Variants in AGAP9 observed in about 807,000 individuals in gnomAD.
AGAP9 encodes ArfGAP with GTPase domain, ankyrin repeat and PH domain 9.
Under a neutral mutation model 55.6 loss-of-function variants are expected in AGAP9, and 23 were observed. The ratio of observed to expected loss-of-function variants is 0.41; its 90% CI spans 0.30 to 0.59. The LOEUF is 0.59. Among genes scored for constraint, AGAP9 ranks in the 20% least tolerant of loss-of-function variants. AGAP9 has a pLI of 0.25. For missense variants in AGAP9, 309 were observed against 808.1 expected, an observed-to-expected ratio of 0.38 and a Z score of 7.49; for synonymous variants, 120 against 305.0, an observed-to-expected ratio of 0.39 and a Z score of 6.32.
At position 47,513,035 on chromosome 10, in the gene AGAP9, C is replaced by CT. The variant is rs1375773544; in HGVS notation, c.397-2765dup. Among the ~76,000 whole-genome samples the CT allele has an allele frequency of 5.2e-4, 68 of 131,038 alleles. 4 individuals are homozygous for CT. Among genetic ancestry groups the CT allele is most frequent in the Non-Finnish European group, 8.0e-4 (51 of 63,786 alleles). The allele number at this position is 131,038 out of a possible 152,430, so 86.0% of individuals were successfully genotyped here. On this transcript the variant is annotated intron_variant, in intron 4 of 7. Transcript: ENST00000452145. ...AACCCATTTGATCATGGTGGATTATCTTTTTTTTATTTTTTGAGATGGAGT... is the reference window on the plus strand; with the variant it reads ...AACCCATTTGATCATGGTGGATTATCTTTTTTTTTATTTTTTGAGATGGAGT...
At chr10:47,506,962 T>C (rs1400264441) in intron 6 of AGAP9, among the ~76,000 whole-genome samples, 2 of 131,938 alleles carry the variant, frequency 1.5e-5, no homozygotes, top group South Asian at 2.6e-4. Context: ...TTGAAGCAAA[T>C]TGCAAAGAAA....
intron 6 of AGAP9, among the ~76,000 whole-genome samples, chr10:47,506,583 G>A (rs1483606381): frequency 3.5e-5 from 5 of 142,438 alleles, no homozygotes; most frequent in Non-Finnish European, 6.1e-5. Flanking sequence ...ACCCACCTTG[G>A]CCTCCCAAAA....
chr10:47,507,633 C>T (rs1840511444), intron 5 of AGAP9, 50 bp from the exon 6 acceptor site: 1 of 1,527,706 alleles, frequency 6.5e-7, no homozygotes, highest in South Asian at 1.1e-5. Flanking sequence ...ATTTGTTAGG[C>T]CTGCAGACAT....
intron 5 of AGAP9, among the ~76,000 whole-genome samples, chr10:47,508,071 T>G (rs1447191246): frequency 2.5e-4 from 34 of 133,762 alleles, no homozygotes; most frequent in Middle Eastern, 3.8e-3. Context: ...ATTTTTTTTT[T>G]GGGGGGGTGG....
chr10:47,505,530 A>G (rs1191337640), intron 6 of AGAP9, among the ~76,000 whole-genome samples: 2 of 136,798 alleles, frequency 1.5e-5, no homozygotes, highest in Non-Finnish European at 3.1e-5. Flanking sequence ...TTTAACTGTG[A>G]ACTGAAAAAT....
chr10:47,521,890 C>T (rs1840850683), intron 2 of AGAP9, among the ~76,000 whole-genome samples: 2 of 149,774 alleles, frequency 1.3e-5, no homozygotes, highest in African/African-American at 4.9e-5. Flanking sequence ...AAGCAATTCT[C>T]CCGCCTCAGC....
At position 47,502,467 on chromosome 10, in the gene AGAP9, G is replaced by A. The variant is rs1840372341; in HGVS notation, c.1662C>T (p.Pro554=). The A allele has an allele frequency of 1.2e-6, 2 of 1,612,794 alleles. No individual in the cohort carries two copies. The highest frequency in any genetic ancestry group is 2.2e-5 in the South Asian group (2 of 91,046). Residue 554 remains proline (P), a synonymous_variant, in exon 8 of 8, where the codon CCC becomes CCT. Coordinates refer to ENST00000452145, the MANE Select transcript of AGAP9 (RefSeq NM_001190810.1). ...TCTCTTCCCTCGTGGACTTTATTGAGGGTTTTGTCTGCCCCTGGCTGCTCC... is the reference window on the plus strand; with the variant it reads ...TCTCTTCCCTCGTGGACTTTATTGAAGGTTTTGTCTGCCCCTGGCTGCTCC... ...WEGSSQGQTK[P]SIKSTREEKE...
chr10:47,506,515 G>T lies in AGAP9; in HGVS notation c.533+1033C>A, dbSNP rs1401754441. 7.1e-5 allele frequency among the ~76,000 whole-genome samples: 10 copies of T among 140,474 alleles called. 2 individuals are homozygous for T. In the South Asian group the frequency reaches 1.1e-3, roughly 16 times the overall value. The allele number at this position is 140,474 out of a possible 152,430, so 92.2% of individuals were successfully genotyped here. A position where few individuals can be genotyped will look rare whatever the true frequency, so the allele number is the denominator to read the frequency against. On this transcript the variant is annotated intron_variant, in intron 6 of 7. Coordinates refer to ENST00000452145, the MANE Select transcript of AGAP9 (RefSeq NM_001190810.1). ...CCAGCCATTTTTTGTACTTTCAGTA[G>T]AGGCGGGTTTTACCATGTTGGTCGG...
At chr10:47,504,417 A>C (rs1356860350) in intron 6 of AGAP9, among the ~76,000 whole-genome samples, 177 bp from the exon 7 acceptor site, 1 of 125,466 alleles carries the variant, frequency 8.0e-6, no homozygotes, top group Non-Finnish European at 1.6e-5. Flanking sequence ...TTCTCAGCAC[A>C]TCATGGTCTG....
intron 4 of AGAP9, among the ~76,000 whole-genome samples, chr10:47,515,695 G>A (rs3953997): frequency 7.2e-6 from 1 of 139,842 alleles, no homozygotes; most frequent in Admixed American, 7.3e-5. Context: ...AACTTTCTTT[G>A]CTAACTCTGC....
At position 47,506,487 on chromosome 10, in the gene AGAP9, C is replaced by T. The variant is rs1477218872; in HGVS notation, c.533+1061G>A. On this transcript the variant is annotated intron_variant, in intron 6 of 7. Coordinates refer to ENST00000452145, the MANE Select transcript of AGAP9 (RefSeq NM_001190810.1). ...CTGGGACTACAGGCATGCACCACCACGCCCAGCCATTTTTTGTACTTTCAG... is the reference window on the plus strand; with the variant it reads ...CTGGGACTACAGGCATGCACCACCATGCCCAGCCATTTTTTGTACTTTCAG... 5.4e-3 allele frequency among the ~76,000 whole-genome samples: 752 copies of T among 138,272 alleles called. 80 individuals are homozygous for T. The highest frequency in any genetic ancestry group is 0.019 in the African/African-American group (704 of 36,884). The allele number at this position is 138,272 out of a possible 152,430, so 90.7% of individuals were successfully genotyped here.
At position 47,513,759 on chromosome 10, in the gene AGAP9, C is replaced by T. The variant is rs1202708292; in HGVS notation, c.397-3488G>A. Among the ~76,000 whole-genome samples the T allele has an allele frequency of 2.2e-5, 3 of 138,312 alleles. 1 individual carries two copies. The highest frequency in any genetic ancestry group is 4.6e-4 in the South Asian group (2 of 4,326). 90.7% of individuals were successfully genotyped at this position (138,312 alleles called of 152,430 possible). The stretch of plus-strand genomic sequence containing the variant: ...ATACCTATAGCCAACTGATTTTCAA[C>T]AAAGCCACCTAAAACATAAAGTGAA... On this transcript the variant is annotated intron_variant, in intron 4 of 7. Transcript: ENST00000452145.
At position 47,502,734 on chromosome 10, in the gene AGAP9, C is replaced by A; in HGVS notation, c.1395G>T (p.Met465Ile). 6.3e-7 allele frequency: 1 copy of A among 1,596,190 alleles called. No homozygotes were observed. Among genetic ancestry groups the A allele is most frequent in the South Asian group, 1.1e-5 (1 of 90,572 alleles). Residue 465 changes from methionine to isoleucine, a missense_variant, in exon 8 of 8, where the codon ATG becomes ATT. By Grantham distance (10) the Met-to-Ile change is conservative. Transcript: ENST00000452145. The part of the protein sequence containing the change: ...KSQLTSQSEA[M>I]ALQSIQNMRG... Reference sequence around the variant, plus strand: ...GCATGTTTTGGATCGACTGCAGGGCCATGGCCTCACTCTGGCTGGTCAGCT... The same window carrying A: ...GCATGTTTTGGATCGACTGCAGGGCAATGGCCTCACTCTGGCTGGTCAGCT...
chr10:47,511,235 G>T (rs1300923603), intron 4 of AGAP9, among the ~76,000 whole-genome samples: 1 of 141,488 alleles, frequency 7.1e-6, no homozygotes, highest in Non-Finnish European at 1.5e-5. Flanking sequence ...GAGCCACGGC[G>T]CCCAGTCCTT....
Position 47,502,900 on chromosome 10 carries a change from T to C in AGAP9, c.1229A>G (p.Asn410Ser), listed in dbSNP as rs1565828344. The change falls in exon 8 of 8, where the codon AAC becomes AGC. Residue 410 changes from asparagine (N) to serine (S), a missense_variant. Transcript: ENST00000452145. ...GCCAGTGGCAGACACAATCATAAAG[T>C]TGTTGGTGCTTTTCTTCTTTAGGTG... ...KKHLKKKSTNNFMIVSATGQT... is the reference protein window; with the variant it reads ...KKHLKKKSTNSFMIVSATGQT... The C allele has an allele frequency of 1.9e-6, 3 of 1,603,936 alleles. No homozygotes were observed. The highest frequency in any genetic ancestry group is 1.4e-5 in the African/African-American group (1 of 71,826).
Position 47,519,208 on chromosome 10 carries a change from C to CTGT in AGAP9, c.361+1288_361+1290dup, listed in dbSNP as rs1397161107. Among the ~76,000 whole-genome samples the CTGT allele has an allele frequency of 5.2e-3, 696 of 133,858 alleles. 72 individuals are homozygous for CTGT. The highest frequency in any genetic ancestry group is 6.9e-3 in the Non-Finnish European group (440 of 64,058). The allele number at this position is 133,858 out of a possible 152,430, so 87.8% of individuals were successfully genotyped here. A position where few individuals can be genotyped will look rare whatever the true frequency, so the allele number is the denominator to read the frequency against. On this transcript the variant is annotated intron_variant, in intron 3 of 7. Coordinates refer to ENST00000452145, the MANE Select transcript of AGAP9 (RefSeq NM_001190810.1). Reference sequence around the variant, plus strand: ...ACTGGCCAGGTGCGGTGGCTGAAGCCTGTAATCCCAGCACTTTGGGAGGCT... The same window carrying CTGT: ...ACTGGCCAGGTGCGGTGGCTGAAGCCTGTTGTAATCCCAGCACTTTGGGAGGCT...
chr10:47,502,950 G>A lies in AGAP9; in HGVS notation c.1179C>T (p.Pro393=), dbSNP rs1429582312. 3.2e-4 allele frequency: 511 copies of A among 1,595,160 alleles called. 25 individuals carry two copies. The East Asian group carries it at 0.011, about 36-fold the overall frequency. Residue 393 remains proline (P), a synonymous_variant, in exon 8 of 8, where the codon CCC becomes CCT. Coordinates refer to ENST00000452145, the MANE Select transcript of AGAP9 (RefSeq NM_001190810.1). The stretch of plus-strand genomic sequence containing the variant: ...GTTTCTTTTTATTGGCATGAGGAGA[G>A]GGGGGCGGGTTGAGCTTGGGGCTGG... ...STTSPKLNPP[P]SPHANKKKHL...
At chr10:47,509,848 C>T (rs1332955956) in intron 5 of AGAP9, among the ~76,000 whole-genome samples, 2,430 of 131,186 alleles carry the variant, frequency 0.019, 153 homozygotes, top group Admixed American at 0.033. Context: ...CTGATTTGGG[C>T]CTATGATGCA....
chr10:47,506,333 CTTT>C (rs1464876839), intron 6 of AGAP9, among the ~76,000 whole-genome samples: 3 of 137,734 alleles, frequency 2.2e-5, no homozygotes, highest in Non-Finnish European at 4.7e-5. Context: ...CTTATTGCTT[CTTT>C]TTCTCTTTTT....
Sources: gnomAD v4.1 joint callset for allele counts (sites outside exome capture counted in the v4.1 genomes callset) on GRCh38, gnomAD v4.1.1 for gene constraint, MANE v1.5 for transcripts, NCBI Gene and HGNC (gene_info 2026-07-23, HGNC 2026-07-21) for gene names.